CDH2: variants seen among roughly 807,000 people sequenced by gnomAD.
The protein encoded by CDH2 is cadherin-2.
CDH2 carries 17 observed loss-of-function variants against 92.0 expected under a neutral mutation model. The observed-to-expected ratio is 0.18, with a 90% confidence interval of 0.13 to 0.28. The LOEUF is 0.28. CDH2 is among the 10% of genes least tolerant of loss of function. The pLI, the probability that CDH2 is intolerant of heterozygous loss-of-function variation, is 1.00. For missense variants in CDH2, 862 were observed against 1,133.1 expected (o/e 0.76, Z 3.44); for synonymous variants, 419 against 415.9 (o/e 1.01, Z -0.09).
At chr18:28,060,362 T>A (rs1048468646) in intron 2 of CDH2, among the ~76,000 whole-genome samples, 17 of 152,130 alleles carry the variant, frequency 1.1e-4, no homozygotes, top group Non-Finnish European at 2.4e-4. Context: ...ATTTTTCATA[T>A]TTTTAGTAGA....
chr18:28,107,836 C>T (rs369938307), intron 2 of CDH2, among the ~76,000 whole-genome samples: 9 of 152,110 alleles, frequency 5.9e-5, no homozygotes, highest in East Asian at 3.9e-4. Flanking sequence ...CTTCTAGCCC[C>T]GCTAACACTT....
chr18:28,032,320 T>G (rs2013718025), intron 2 of CDH2, among the ~76,000 whole-genome samples: 1 of 152,126 alleles, frequency 6.6e-6, no homozygotes, highest in Admixed American at 6.6e-5. Flanking sequence ...AAGAAATTTG[T>G]GGGCTCAGCA....
At position 28,056,214 on chromosome 18, in the gene CDH2, A is replaced by C. The variant is rs1944293; in HGVS notation, c.173-42305T>G. Among the ~76,000 whole-genome samples the C allele has an allele frequency of 2.4e-3, 359 of 152,258 alleles. 3 individuals are homozygous for C. Among genetic ancestry groups the C allele is most frequent in the African/African-American group, 8.3e-3 (344 of 41,574 alleles). On this transcript the variant is annotated intron_variant, in intron 2 of 15. Transcript: ENST00000269141. ...GATTTGTAGAACATGGATTTTGTGA[A>C]GGGAATTTTAGGTATGACCAAGCTG...
chr18:27,957,927 T>C (rs1419786721), intron 15 of CDH2, among the ~76,000 whole-genome samples: 1 of 152,198 alleles, frequency 6.6e-6, no homozygotes, highest in Non-Finnish European at 1.5e-5. Context: ...TTCTTACAAT[T>C]AGAGAACAGC....
chr18:28,122,094 G>A (rs1018435350), intron 2 of CDH2, among the ~76,000 whole-genome samples: 1 of 151,958 alleles, frequency 6.6e-6, no homozygotes, highest in Non-Finnish European at 1.5e-5. Context: ...AAAGTTTTAG[G>A]CTCCTTTCTC....
chr18:28,120,315 T>C (rs2015565908), intron 2 of CDH2, among the ~76,000 whole-genome samples: 1 of 152,026 alleles, frequency 6.6e-6, no homozygotes, highest in South Asian at 2.1e-4. Context: ...AGATGGCATA[T>C]CATTTCATCA....
chr18:27,974,641 GA>G (rs1351692110), intron 14 of CDH2, among the ~76,000 whole-genome samples: 1 of 152,158 alleles, frequency 6.6e-6, no homozygotes, highest in Non-Finnish European at 1.5e-5. Flanking sequence ...TGCTGAACCT[GA>G]ATTCCCAATA....
intron 1 of CDH2, among the ~76,000 whole-genome samples, chr18:28,156,466 C>CACCTTCCCAGGTACAGA (rs1568020432): frequency 0.028 from 1,658 of 59,834 alleles, 112 homozygotes; most frequent in Middle Eastern, 0.044. Flanking sequence ...CCAGGTACAG[C>CACCTTCCCAGGTACAGA]ATGTCACCTT....
chr18:28,008,612 G>T (rs1020575302), intron 5 of CDH2, among the ~76,000 whole-genome samples: 2 of 152,148 alleles, frequency 1.3e-5, no homozygotes, highest in African/African-American at 4.8e-5. Context: ...GGATGAGGGG[G>T]GAAGGATAGC....
intron 14 of CDH2, among the ~76,000 whole-genome samples, chr18:27,969,278 T>C (rs1294242401): frequency 6.6e-6 from 1 of 152,228 alleles, no homozygotes; most frequent in Non-Finnish European, 1.5e-5. Flanking sequence ...TCTCTCTTCA[T>C]ATACTATACA....
intron 2 of CDH2, among the ~76,000 whole-genome samples, chr18:28,048,917 T>C (rs960881587): frequency 5.3e-5 from 8 of 152,036 alleles, no homozygotes; most frequent in African/African-American, 1.9e-4. Flanking sequence ...AAAAGAAAAC[T>C]GATAATACCA....
chr18:28,060,183 C>A (rs1481715034), intron 2 of CDH2, among the ~76,000 whole-genome samples: 2 of 151,972 alleles, frequency 1.3e-5, no homozygotes, highest in African/African-American at 4.8e-5. Context: ...CTTTACTTAT[C>A]ATCATCATTA....
chr18:28,010,014 G>C, intron 4 of CDH2, 142 bp from the exon 5 acceptor site: 1 of 539,626 alleles, frequency 1.9e-6, no homozygotes, highest in Admixed American at 3.8e-5. Flanking sequence ...CTCTCCTAGT[G>C]CCTGTTCTTC....
intron 14 of CDH2, among the ~76,000 whole-genome samples, chr18:27,979,356 C>A (rs930936585): frequency 6.6e-6 from 1 of 152,126 alleles, no homozygotes; most frequent in African/African-American, 2.4e-5. Flanking sequence ...GGATGTGGAG[C>A]AATTGGGACT....
chr18:28,118,592 T>A (rs1234252315), intron 2 of CDH2, among the ~76,000 whole-genome samples: 1 of 131,672 alleles, frequency 7.6e-6, no homozygotes, highest in Non-Finnish European at 1.6e-5. Context: ...TTTAGTTCAG[T>A]GTGTGTGTGT....
chr18:28,013,614 C>CAT (rs1225871051), intron 3 of CDH2, 69 bp downstream of exon 3: 1 of 1,087,484 alleles, frequency 9.2e-7, no homozygotes, highest in African/African-American at 1.6e-5. Flanking sequence ...TGAAGCAAAG[C>CAT]ATATATTTAG....
chr18:28,078,586 G>A (rs1032815078), intron 2 of CDH2, among the ~76,000 whole-genome samples: 14 of 151,840 alleles, frequency 9.2e-5, no homozygotes, highest in Non-Finnish European at 1.3e-4. Context: ...TTGCCTGCCT[G>A]CCTCAACTCC....
At chr18:27,992,894 A>T in intron 8 of CDH2, 54 bp from the exon 9 acceptor site, 1 of 1,395,772 alleles carries the variant, frequency 7.2e-7, no homozygotes, top group Non-Finnish European at 9.9e-7. Context: ...CTGAAGGACA[A>T]CTTGTCTTGA....
chr18:28,104,753 T>C (rs1443527646), intron 2 of CDH2, among the ~76,000 whole-genome samples: 3 of 151,558 alleles, frequency 2.0e-5, no homozygotes, highest in Non-Finnish European at 2.9e-5. Context: ...ATCTTCTATC[T>C]AGATAGATAT....
Sources: allele counts gnomAD v4.1 joint callset (sites outside exome capture counted in the v4.1 genomes callset), GRCh38; gene constraint gnomAD v4.1.1; transcripts MANE v1.5; gene names NCBI Gene and HGNC (gene_info 2026-07-23, HGNC 2026-07-21).